TANGO6: variants seen among roughly 807,000 people sequenced by gnomAD.
TANGO6 encodes transport and Golgi organization protein 6 homolog.
Under a neutral mutation model 114.2 loss-of-function variants are expected in TANGO6, and 90 were observed. That is an observed-to-expected ratio of 0.79 (90% confidence interval 0.66 to 0.94). The LOEUF (loss-of-function observed/expected upper bound fraction) is 0.94, where lower values mean the gene tolerates loss of function less well. Among genes scored for constraint, TANGO6 ranks in the 40% least tolerant of loss-of-function variants. The probability of loss-of-function intolerance (pLI) is 0.00; values close to 1 mark genes in which losing one functional copy is unlikely to be tolerated. For missense variants in TANGO6, 1,274 were observed against 1,315.3 expected, an observed-to-expected ratio of 0.97 and a Z score of 0.49; for synonymous variants, 477 against 509.8, an observed-to-expected ratio of 0.94 and a Z score of 0.87.
chr16:68,879,043 T>C (rs536664562), intron 6 of TANGO6, among the ~76,000 whole-genome samples: 1 of 152,206 alleles, frequency 6.6e-6, no homozygotes, highest in East Asian at 1.9e-4. Flanking sequence ...ACCTCTGCAC[T>C]TTAGCCTGGG....
At position 68,998,851 on chromosome 16, in the gene TANGO6, G is replaced by T. The variant is rs985354234; in HGVS notation, c.2843-23977G>T. Among the ~76,000 whole-genome samples the T allele has an allele frequency of 1.8e-4, 27 of 151,664 alleles. 1 individual carries two copies. The highest frequency in any genetic ancestry group is 4.8e-4 in the African/African-American group (20 of 41,254). The stretch of plus-strand genomic sequence containing the variant: ...TGCCATAGAAACTCCTTTTTAAATT[G>T]TCTTTGATGAAACATTGTTCCATAG... On this transcript the variant is annotated intron_variant, in intron 15 of 17. Coordinates refer to ENST00000261778, the MANE Select transcript of TANGO6 (RefSeq NM_024562.2).
intron 7 of TANGO6, chr16:68,885,805 C>T (rs1962531684): frequency 2.6e-5 from 4 of 152,166 alleles, no homozygotes; most frequent in Admixed American, 2.0e-4. Context: ...ATATTTGGGT[C>T]ATTTTCACCA....
At chr16:69,073,957 T>C (rs1046413824) in intron 17 of TANGO6, among the ~76,000 whole-genome samples, 6 of 138,712 alleles carry the variant, frequency 4.3e-5, no homozygotes, top group African/African-American at 1.4e-4. Flanking sequence ...CAAGACTCCA[T>C]CTTAAAAAAA....
chr16:69,050,651 G>A (rs555814687), intron 17 of TANGO6, among the ~76,000 whole-genome samples: 22 of 152,078 alleles, frequency 1.4e-4, no homozygotes, highest in East Asian at 7.7e-4. Flanking sequence ...CACCATGCCC[G>A]GCTAATTTTT....
intron 15 of TANGO6, among the ~76,000 whole-genome samples, chr16:69,012,800 C>T (rs779827985): frequency 6.6e-6 from 1 of 151,980 alleles, no homozygotes; most frequent in Non-Finnish European, 1.5e-5. Flanking sequence ...TGTCAGGGGA[C>T]AAATGTGTGC....
intron 17 of TANGO6, among the ~76,000 whole-genome samples, chr16:69,048,428 A>G (rs917234283): frequency 6.6e-6 from 1 of 151,460 alleles, no homozygotes; most frequent in African/African-American, 2.4e-5. Context: ...TAAGAGATGG[A>G]TGTCTTGTTC....
chr16:68,956,590 T>A (rs927944691), intron 14 of TANGO6, among the ~76,000 whole-genome samples: 3 of 152,174 alleles, frequency 2.0e-5, no homozygotes, highest in Admixed American at 6.5e-5. Context: ...CAGTGGCTCA[T>A]GTCTGTAATC....
intron 12 of TANGO6, among the ~76,000 whole-genome samples, chr16:68,925,710 A>G (rs1288769521): frequency 1.3e-5 from 2 of 151,916 alleles, no homozygotes; most frequent in African/African-American, 2.4e-5. Flanking sequence ...TCAATTTTCT[A>G]CTATGTTAAC....
At chr16:68,953,050 T>TTATTA (rs1555525238) in intron 14 of TANGO6, among the ~76,000 whole-genome samples, 1,395 of 139,204 alleles carry the variant, frequency 0.01, 14 homozygotes, top group Admixed American at 0.024. Context: ...ACAGGTATTT[T>TTATTA]TTATTATTAT....
intron 1 of TANGO6, chr16:68,846,438 GA>G: frequency 2.9e-5 from 8 of 280,184 alleles, no homozygotes; most frequent in South Asian, 5.7e-5. Context: ...TATGTAACTG[GA>G]AAAGGGAGGA....
intron 17 of TANGO6, among the ~76,000 whole-genome samples, chr16:69,083,095 C>CTTTT (rs1201400628): frequency 7.5e-5 from 9 of 120,266 alleles, no homozygotes; most frequent in Admixed American, 2.6e-4. Context: ...GCATTATCTT[C>CTTTT]TTTTTTTTTT....
intron 15 of TANGO6, among the ~76,000 whole-genome samples, chr16:68,977,601 G>T (rs1318153732): frequency 6.6e-6 from 1 of 150,636 alleles, no homozygotes; most frequent in African/African-American, 2.4e-5. Flanking sequence ...TACTCAGGAG[G>T]CTGAGGCAGG....
At chr16:68,944,865 G>A (rs1352791349) in intron 14 of TANGO6, among the ~76,000 whole-genome samples, 4 of 152,216 alleles carry the variant, frequency 2.6e-5, no homozygotes, top group African/African-American at 9.6e-5. Flanking sequence ...TATGTCTGAA[G>A]AACAAAGATA....
chr16:68,978,380 A>G (rs1963785788), intron 15 of TANGO6, among the ~76,000 whole-genome samples: 1 of 152,160 alleles, frequency 6.6e-6, no homozygotes, highest in African/African-American at 2.4e-5. Context: ...AATTTCCAAA[A>G]CAGCCTTCTG....
At chr16:69,053,496 G>T (rs117416169) in intron 17 of TANGO6, among the ~76,000 whole-genome samples, 1 of 151,956 alleles carries the variant, frequency 6.6e-6, no homozygotes, top group Non-Finnish European at 1.5e-5. Context: ...CTCATAAAAG[G>T]TTCAGACACA....
chr16:69,062,482 A>AT lies in TANGO6; in HGVS notation c.3109-20995dup, dbSNP rs1293958236. 7.9e-5 allele frequency among the ~76,000 whole-genome samples: 12 copies of AT among 151,382 alleles called. No homozygotes were observed. In the South Asian group the frequency reaches 2.3e-3, roughly 29 times the overall value. ...ATTTAATTTTAATTTTTATTTATTT[A>AT]TTTTTTTTGAGACGGAGTCTCACAC... is the stretch of plus-strand genomic sequence containing the variant. On this transcript the variant is annotated intron_variant, in intron 17 of 17. Coordinates refer to ENST00000261778, the MANE Select transcript of TANGO6 (RefSeq NM_024562.2).
At chr16:69,079,886 T>A (rs1567572307) in intron 17 of TANGO6, among the ~76,000 whole-genome samples, 2 of 152,232 alleles carry the variant, frequency 1.3e-5, no homozygotes, top group Non-Finnish European at 2.9e-5. Context: ...ATATTTGTCC[T>A]ACAGATATAC....
chr16:68,923,800 A>ATTTGTTTTGT (rs145246572), intron 12 of TANGO6, among the ~76,000 whole-genome samples: 2,006 of 150,942 alleles, frequency 0.013, 24 homozygotes, highest in South Asian at 0.03. Flanking sequence ...AGGAGGCATG[A>ATTTGTTTTGT]TTTGTTTTGT....
At chr16:69,074,406 T>C (rs1369153738) in intron 17 of TANGO6, among the ~76,000 whole-genome samples, 4 of 151,312 alleles carry the variant, frequency 2.6e-5, no homozygotes, top group Non-Finnish European at 4.4e-5. Flanking sequence ...ATTAAGAGAG[T>C]AAAGTAGTGA....
Sources: gnomAD v4.1 joint callset for allele counts (sites outside exome capture counted in the v4.1 genomes callset) on GRCh38, gnomAD v4.1.1 for gene constraint, MANE v1.5 for transcripts, NCBI Gene and HGNC (gene_info 2026-07-23, HGNC 2026-07-21) for gene names.